Variants in ZEB1 observed in about 807,000 individuals in gnomAD.
The protein encoded by ZEB1 is zinc finger E-box-binding homeobox 1.
A neutral mutation model predicts 84.9 loss-of-function variants in ZEB1; 21 were observed. The observed-to-expected ratio is 0.25, with a 90% CI of 0.18 to 0.36. ZEB1 has a LOEUF of 0.36. Ranked by LOEUF, ZEB1 falls within the 10% of genes least tolerant of loss-of-function variation. ZEB1 has a pLI of 1.00. For missense variants in ZEB1, 1,104 were observed against 1,330.2 expected (o/e 0.83, Z 2.65); for synonymous variants, 420 against 471.1 (o/e 0.89, Z 1.41).
chr10:31,328,453 T>A (rs2036063433), intron 1 of ZEB1, among the ~76,000 whole-genome samples: 1 of 152,222 alleles, frequency 6.6e-6, no homozygotes, highest in African/African-American at 2.4e-5. Flanking sequence ...AAAATTTTAC[T>A]TATTTATTTT....
chr10:31,521,038 A>T lies in ZEB1; in HGVS notation c.1706A>T (p.Lys569Met). 1.2e-6 allele frequency: 2 copies of T among 1,614,094 alleles called. No individual in the cohort carries two copies. Among genetic ancestry groups the T allele is most frequent in the Non-Finnish European group, 1.7e-6 (2 of 1,180,006 alleles). The change falls in exon 7 of 9, where the codon AAG becomes ATG. Residue 569 changes from lysine (K) to methionine (M), a missense_variant. Around this residue, in one of 7 missense-constraint regions of ZEB1, gnomAD observed 531 missense variants for 575.2 expected, o/e 0.92. Transcript: ENST00000424869. ...CCACTCCCTGCAGCAGAAGCTGAGA[A>T]GCCTGAGTCCTCTGTTTCATCAGCT... ...PPPLPAAEAE[K>M]PESSVSSATG...
rs184880161 is a variant in ZEB1, at chr10:31,521,039, G to A, written c.1707G>A (p.Lys569=). ...PPPLPAAEAE[K]PESSVSSATG... ...CACTCCCTGCAGCAGAAGCTGAGAAGCCTGAGTCCTCTGTTTCATCAGCTA... is the reference window on the plus strand; with the variant it reads ...CACTCCCTGCAGCAGAAGCTGAGAAACCTGAGTCCTCTGTTTCATCAGCTA... Residue 569 remains lysine, a synonymous_variant, in exon 7 of 9, where the codon AAG becomes AAA. Transcript: ENST00000424869. The A allele has an allele frequency of 1.7e-5, 28 of 1,613,946 alleles. No homozygotes were observed. In the African/African-American group the frequency reaches 3.2e-4, roughly 18 times the overall value.
chr10:31,462,410 A>G (rs1240466387), intron 2 of ZEB1, among the ~76,000 whole-genome samples: 1 of 152,212 alleles, frequency 6.6e-6, no homozygotes, highest in Non-Finnish European at 1.5e-5. Flanking sequence ...AGAGAGATAA[A>G]TAAGTCACAA....
At chr10:31,440,195 G>T (rs934189890) in intron 1 of ZEB1, among the ~76,000 whole-genome samples, 4 of 152,138 alleles carry the variant, frequency 2.6e-5, no homozygotes, top group African/African-American at 9.7e-5. Flanking sequence ...TGGAGGAATG[G>T]AATTGCCGTT....
At chr10:31,494,039 G>T (rs1288111110) in intron 2 of ZEB1, among the ~76,000 whole-genome samples, 1 of 151,942 alleles carries the variant, frequency 6.6e-6, no homozygotes, top group African/African-American at 2.4e-5. Flanking sequence ...ATCTTACGAG[G>T]TAGTAACTCT....
At chr10:31,419,890 T>G (rs1456100372) in intron 1 of ZEB1, among the ~76,000 whole-genome samples, 1 of 152,132 alleles carries the variant, frequency 6.6e-6, no homozygotes, top group African/African-American at 2.4e-5. Flanking sequence ...TAACCAGAGC[T>G]GAGTAGAGCA....
At chr10:31,390,577 C>A (rs1293610445) in intron 1 of ZEB1, among the ~76,000 whole-genome samples, 5 of 152,154 alleles carry the variant, frequency 3.3e-5, no homozygotes, top group Non-Finnish European at 5.9e-5. Context: ...TATCATTTCT[C>A]TTGAAAACTA....
chr10:31,369,484 A>G (rs1054781887), intron 1 of ZEB1, among the ~76,000 whole-genome samples: 2 of 152,172 alleles, frequency 1.3e-5, no homozygotes, highest in Non-Finnish European at 2.9e-5. Context: ...GACTTATTTC[A>G]CTTAGCATAA....
intron 2 of ZEB1, among the ~76,000 whole-genome samples, chr10:31,462,131 G>A (rs564955514): frequency 6.6e-6 from 1 of 152,296 alleles, no homozygotes; most frequent in African/African-American, 2.4e-5. Flanking sequence ...ATCTGGAAAA[G>A]TGGGTCAGGC....
chr10:31,474,630 A>G (rs1006627696), intron 2 of ZEB1, among the ~76,000 whole-genome samples: 4 of 152,200 alleles, frequency 2.6e-5, no homozygotes, highest in African/African-American at 9.7e-5. Flanking sequence ...AAACTAGTTC[A>G]ACCATTGTGG....
chr10:31,415,681 A>AAC (rs1342136269), intron 1 of ZEB1, among the ~76,000 whole-genome samples: 1 of 152,080 alleles, frequency 6.6e-6, no homozygotes, highest in Non-Finnish European at 1.5e-5. Context: ...GATTGTTCTA[A>AAC]ATATATATAA....
intron 2 of ZEB1, among the ~76,000 whole-genome samples, chr10:31,467,650 T>C (rs2062611619): frequency 6.6e-6 from 1 of 152,134 alleles, no homozygotes; most frequent in Non-Finnish European, 1.5e-5. Context: ...TCCACTGGCC[T>C]GGTCTCAGTT....
chr10:31,481,787 A>G (rs1158972948), intron 2 of ZEB1, among the ~76,000 whole-genome samples: 3 of 152,236 alleles, frequency 2.0e-5, no homozygotes, highest in East Asian at 1.9e-4. Context: ...TAGCATTATT[A>G]TAATCCAGAA....
chr10:31,344,660 T>C (rs1200438699), intron 1 of ZEB1, among the ~76,000 whole-genome samples: 2 of 152,256 alleles, frequency 1.3e-5, no homozygotes, highest in East Asian at 3.9e-4. Flanking sequence ...CTTTACAGTT[T>C]GTTCGCTGTA....
intron 1 of ZEB1, among the ~76,000 whole-genome samples, chr10:31,386,419 T>C (rs1342872803): frequency 1.3e-5 from 2 of 151,944 alleles, no homozygotes; most frequent in Non-Finnish European, 2.9e-5. Flanking sequence ...CTCAGAACAT[T>C]TGTAGGTTTT....
chr10:31,415,165 G>A (rs970600508), intron 1 of ZEB1, among the ~76,000 whole-genome samples: 1 of 152,048 alleles, frequency 6.6e-6, no homozygotes, highest in African/African-American at 2.4e-5. Context: ...GTTTCCCTTT[G>A]GAATATAAAG....
intron 3 of ZEB1, 108 bp downstream of exon 3, chr10:31,495,946 T>C (rs2067167220): frequency 1.7e-6 from 2 of 1,192,014 alleles, no homozygotes; most frequent in Non-Finnish European, 2.5e-6. Flanking sequence ...TTCTCTTTTA[T>C]CTTACCTTCC....
intron 1 of ZEB1, among the ~76,000 whole-genome samples, chr10:31,452,058 A>T (rs1382478066): frequency 2.0e-5 from 3 of 152,084 alleles, no homozygotes; most frequent in Non-Finnish European, 4.4e-5. Flanking sequence ...ATTTAGAATG[A>T]TTGACTTTTA....
At chr10:31,374,502 A>G (rs766383385) in intron 1 of ZEB1, among the ~76,000 whole-genome samples, 2 of 151,838 alleles carry the variant, frequency 1.3e-5, no homozygotes, top group Non-Finnish European at 3.0e-5. Flanking sequence ...TGGGGTTAAA[A>G]ACAGATATTC....
Sources: allele counts gnomAD v4.1 joint callset (sites outside exome capture counted in the v4.1 genomes callset), GRCh38; gene constraint gnomAD v4.1.1; regional missense constraint gnomAD v4.1.1; transcripts MANE v1.5; gene names NCBI Gene and HGNC (gene_info 2026-07-23, HGNC 2026-07-21).